Variants in SYK observed in about 807,000 individuals in gnomAD.
SYK encodes the protein spleen associated tyrosine kinase.
In SYK, 16 loss-of-function variants were observed where a neutral mutation model predicts 77.8. That is an observed-to-expected ratio of 0.21 (90% CI 0.14 to 0.31). The LOEUF is 0.31. Ranked by LOEUF, SYK falls within the 10% of genes least tolerant of loss-of-function variation. The probability of loss-of-function intolerance (pLI) is 1.00; values close to 1 mark genes in which losing one functional copy is unlikely to be tolerated. For missense variants in SYK, 529 were observed against 814.4 expected, an observed-to-expected ratio of 0.65 and a Z score of 4.26; for synonymous variants, 312 against 308.7, an observed-to-expected ratio of 1.01 and a Z score of -0.11.
At position 90,869,859 on chromosome 9, in the gene SYK, G is replaced by A. The variant is rs575629000; in HGVS notation, c.915+2660G>A. On this transcript the variant is annotated intron_variant, in intron 7 of 13. Coordinates refer to ENST00000375754, the MANE Select transcript of SYK (RefSeq NM_003177.7). Reference sequence around the variant, plus strand: ...ACAGTGGCTCATGCCTATAATCCCAGCACTTTGGGAGGCCGAGGCAGGTGG... The same window carrying A: ...ACAGTGGCTCATGCCTATAATCCCAACACTTTGGGAGGCCGAGGCAGGTGG... Among the ~76,000 whole-genome samples, 83 of 152,314 alleles carry A rather than the reference G, an allele frequency of 5.4e-4. 1 individual carries two copies. The South Asian group carries it at 0.016, about 29-fold the overall frequency.
chr9:90,864,511 C>T (rs1037444031), intron 4 of SYK, 78 bp from the exon 5 acceptor site: 15 of 1,272,816 alleles, frequency 1.2e-5, no homozygotes, highest in South Asian at 4.9e-5. Flanking sequence ...GCCCAACAGT[C>T]AGTCAGTAGC....
At chr9:90,875,127 G>T (rs928602058) in intron 9 of SYK, among the ~76,000 whole-genome samples, 2 of 152,042 alleles carry the variant, frequency 1.3e-5, no homozygotes, top group Non-Finnish European at 2.9e-5. Flanking sequence ...AAATTGGCAT[G>T]GTGGCTCATG....
At chr9:90,809,103 C>T (rs965081858) in intron 1 of SYK, among the ~76,000 whole-genome samples, 63 of 152,290 alleles carry the variant, frequency 4.1e-4, no homozygotes, top group Admixed American at 3.3e-4. Flanking sequence ...AAGGAACTCA[C>T]AGTGAGGGCT....
At chr9:90,851,638 C>T (rs866974277) in intron 3 of SYK, among the ~76,000 whole-genome samples, 1 of 152,180 alleles carries the variant, frequency 6.6e-6, no homozygotes, top group South Asian at 2.1e-4. Context: ...GGGACCAAGG[C>T]AAGGGAGAGG....
chr9:90,841,984 T>G (rs1299793045), intron 1 of SYK, among the ~76,000 whole-genome samples: 4 of 124,272 alleles, frequency 3.2e-5, no homozygotes, highest in East Asian at 2.1e-4. Context: ...TGTATGTAGT[T>G]TTTGTGTGTT....
At chr9:90,832,133 A>G (rs1825920077) in intron 1 of SYK, among the ~76,000 whole-genome samples, 1 of 152,224 alleles carries the variant, frequency 6.6e-6, no homozygotes, top group Non-Finnish European at 1.5e-5. Flanking sequence ...CAAAAACCTA[A>G]CACCATATTT....
chr9:90,870,214 A>G (rs543188706), intron 7 of SYK, among the ~76,000 whole-genome samples: 5 of 152,346 alleles, frequency 3.3e-5, no homozygotes, highest in Middle Eastern at 6.8e-3. Context: ...ACCCCTCCCA[A>G]TATTAGTCCT....
At chr9:90,838,066 G>C (rs1427684510) in intron 1 of SYK, among the ~76,000 whole-genome samples, 1 of 152,234 alleles carries the variant, frequency 6.6e-6, no homozygotes, top group African/African-American at 2.4e-5. Flanking sequence ...GAGATTTGCT[G>C]AGGGAGTGGC....
intron 11 of SYK, among the ~76,000 whole-genome samples, chr9:90,883,380 C>G (rs1828231334): frequency 6.6e-6 from 1 of 152,100 alleles, no homozygotes; most frequent in Non-Finnish European, 1.5e-5. Flanking sequence ...CTGATGCTGC[C>G]ACTGCCCCGC....
chr9:90,876,926 A>C (rs1307595178), intron 9 of SYK, among the ~76,000 whole-genome samples: 2 of 152,244 alleles, frequency 1.3e-5, no homozygotes, highest in African/African-American at 4.8e-5. Context: ...GGTGAATCCC[A>C]AGATGTTACA....
chr9:90,813,974 G>A (rs182321607), intron 1 of SYK, among the ~76,000 whole-genome samples: 1 of 152,344 alleles, frequency 6.6e-6, no homozygotes, highest in Non-Finnish European at 1.5e-5. Flanking sequence ...TTTGTTGCAT[G>A]ACTTTGGCCC....
At chr9:90,824,343 C>T (rs1198497891) in intron 1 of SYK, among the ~76,000 whole-genome samples, 1 of 152,102 alleles carries the variant, frequency 6.6e-6, no homozygotes, top group African/African-American at 2.4e-5. Context: ...ATAATCTCTT[C>T]CAGAAAATAG....
At chr9:90,806,865 C>G (rs1056370813) in intron 1 of SYK, among the ~76,000 whole-genome samples, 2 of 151,836 alleles carry the variant, frequency 1.3e-5, no homozygotes, top group African/African-American at 2.4e-5. Context: ...TATACGACAC[C>G]AACATTTTAT....
intron 1 of SYK, among the ~76,000 whole-genome samples, chr9:90,815,344 T>A (rs1393142788): frequency 6.6e-6 from 1 of 152,232 alleles, no homozygotes; most frequent in African/African-American, 2.4e-5. Context: ...GGCACCCCAG[T>A]GAGCAGAGGT....
intron 1 of SYK, among the ~76,000 whole-genome samples, chr9:90,829,462 C>T (rs1281544018): frequency 6.6e-6 from 1 of 152,170 alleles, no homozygotes; most frequent in Non-Finnish European, 1.5e-5. Flanking sequence ...CTTTCATGAG[C>T]CAGAGTCCTG....
intron 3 of SYK, among the ~76,000 whole-genome samples, chr9:90,850,150 T>TA (rs1447347672): frequency 6.6e-6 from 1 of 152,216 alleles, no homozygotes; most frequent in Admixed American, 6.5e-5. Flanking sequence ...TATGAATAGA[T>TA]AGAGTGAGAG....
chr9:90,884,220 TATACAC>T (rs1828297541), intron 11 of SYK, among the ~76,000 whole-genome samples: 2 of 33,038 alleles, frequency 6.1e-5, no homozygotes, highest in African/African-American at 1.5e-4. Context: ...TATACACGCA[TATACAC>T]ATACACATAC....
At chr9:90,882,751 A>G (rs902874721) in intron 11 of SYK, among the ~76,000 whole-genome samples, 1 of 152,212 alleles carries the variant, frequency 6.6e-6, no homozygotes, top group African/African-American at 2.4e-5. Flanking sequence ...ATGGTCTAAG[A>G]GAGAACACAG....
At chr9:90,884,768 C>T (rs375493259) in intron 11 of SYK, among the ~76,000 whole-genome samples, 3 of 21,860 alleles carry the variant, frequency 1.4e-4, no homozygotes, top group Non-Finnish European at 6.5e-5. Flanking sequence ...TGTGTACATG[C>T]ACATATACAC....
Sources: gnomAD v4.1 joint callset for allele counts (sites outside exome capture counted in the v4.1 genomes callset) on GRCh38, gnomAD v4.1.1 for gene constraint, MANE v1.5 for transcripts, NCBI Gene and HGNC (gene_info 2026-07-23, HGNC 2026-07-21) for gene names.